Variants in LYAR observed in about 807,000 individuals in gnomAD.
LYAR encodes the protein Ly1 antibody reactive.
A neutral mutation model predicts 45.2 loss-of-function variants in LYAR; 37 were observed. The ratio of observed to expected loss-of-function variants is 0.82; its 90% CI spans 0.63 to 1.08. LYAR has a LOEUF of 1.08. Among genes scored for constraint, LYAR ranks in the 50% least tolerant of loss-of-function variants. The pLI, the probability that LYAR is intolerant of heterozygous loss-of-function variation, is 0.00. For missense variants in LYAR, 493 were observed against 451.0 expected, an observed-to-expected ratio of 1.09 and a Z score of -0.84; for synonymous variants, 176 against 155.1, an observed-to-expected ratio of 1.14 and a Z score of -1.00.
rs190670806 is a variant in LYAR at position 4,283,276 on chromosome 4, G to C, written c.122+345C>G. 5.2e-3 allele frequency among the ~76,000 whole-genome samples: 795 copies of C among 152,164 alleles called. 10 individuals carry two copies. Among genetic ancestry groups the C allele is most frequent in the African/African-American group, 0.018 (761 of 41,508 alleles). The stretch of plus-strand genomic sequence containing the variant: ...AGCGATTCTCCTGCCTCAGCCTCCC[G>C]AGTAGCTGGGATTACAGGCGCCCAC... On this transcript the variant is annotated intron_variant, in intron 3 of 9. Coordinates refer to ENST00000343470, the MANE Select transcript of LYAR (RefSeq NM_017816.3).
chr4:4,280,585 C>A (rs867457025), intron 4 of LYAR, among the ~76,000 whole-genome samples: 1 of 152,160 alleles, frequency 6.6e-6, no homozygotes, highest in Non-Finnish European at 1.5e-5. Context: ...AGGATTTCAT[C>A]GAGTGTGACA....
chr4:4,273,699 A>G (rs748321076), intron 7 of LYAR, 30 bp from the exon 8 acceptor site: 1 of 1,433,316 alleles, frequency 7.0e-7, no homozygotes, highest in Non-Finnish European at 9.8e-7. Context: ...TTTTTTAAAG[A>G]AGATTTTGCA....
rs75876404 is a variant in LYAR at position 4,284,857 on chromosome 4, C to T, written c.-53-1062G>A. On this transcript the variant is annotated intron_variant, in intron 2 of 9. Transcript: ENST00000343470. ...AAATAAAGGTGAGGGTCAAGTAAAC[C>T]GATGCAATTTACTTCAGGGTAGGAC... 3.5e-3 allele frequency among the ~76,000 whole-genome samples: 538 copies of T among 152,210 alleles called. 6 individuals carry two copies. The highest frequency in any genetic ancestry group is 0.012 in the African/African-American group (495 of 41,534).
chr4:4,276,622 C>T (rs1054529606), intron 6 of LYAR, among the ~76,000 whole-genome samples: 2 of 151,608 alleles, frequency 1.3e-5, no homozygotes, highest in Non-Finnish European at 2.9e-5. Context: ...TTTGGGAGGC[C>T]GAGGTAGGGA....
Position 4,267,773 on chromosome 4 carries a change from A to T in LYAR, c.*116T>A, listed in dbSNP as rs1718771808. On this transcript the variant is annotated 3_prime_UTR_variant, in exon 10 of 10. Transcript: ENST00000343470. ...TACCAAAAATATATTTTCTTAACTT[A>T]AAAATACAGCTTCAAAAAGCAAAAT... The T allele has an allele frequency of 2.9e-6, 2 of 686,422 alleles. No individual in the cohort carries two copies. Among genetic ancestry groups the T allele is most frequent in the African/African-American group, 1.9e-5 (1 of 53,750 alleles). 42.5% of individuals were successfully genotyped at this position (686,422 alleles called of 1,614,324 possible). A position where few individuals can be genotyped will look rare whatever the true frequency, so the allele number is the denominator to read the frequency against.
intron 6 of LYAR, among the ~76,000 whole-genome samples, chr4:4,275,695 C>T (rs1281277002): frequency 1.4e-5 from 2 of 140,094 alleles, no homozygotes; most frequent in African/African-American, 5.4e-5. Flanking sequence ...AAATACATTA[C>T]CTCATTTATG....
At chr4:4,274,849 C>T (rs1279438905) in intron 6 of LYAR, 80 bp from the exon 7 acceptor site, 1 of 1,343,298 alleles carries the variant, frequency 7.4e-7, no homozygotes, top group South Asian at 1.4e-5. Context: ...CCTGGGCCTA[C>T]TACATAAACT....
At chr4:4,270,906 G>C (rs568724061) in intron 8 of LYAR, among the ~76,000 whole-genome samples, 1 of 152,280 alleles carries the variant, frequency 6.6e-6, no homozygotes, top group African/African-American at 2.4e-5. Flanking sequence ...GTACACAGCA[G>C]GTGTATATGG....
At position 4,279,514 on chromosome 4, in the gene LYAR, C is replaced by G; in HGVS notation, c.362G>C (p.Ser121Thr). The G allele has an allele frequency of 6.2e-7, 1 of 1,611,604 alleles. No individual in the cohort carries two copies. The highest frequency in any genetic ancestry group is 1.1e-5 in the South Asian group (1 of 91,020). ...KAKFQNWMKNSLKVHNESILD... is the reference protein window; with the variant it reads ...KAKFQNWMKNTLKVHNESILD... ...AATGGATTCATTATGAACTTTTAAA[C>G]TGTTCTTCATCCAATTCTGTAAGAA... is the stretch of plus-strand genomic sequence containing the variant. Residue 121 changes from serine (S) to threonine (T), a missense_variant, in exon 6 of 10, where the codon AGT (serine) becomes ACT (threonine). Transcript: ENST00000343470.
chr4:4,268,041 T>C lies in LYAR; in HGVS notation c.1006-18A>G, dbSNP rs746914517. On this transcript the variant is annotated intron_variant, in intron 9 of 9. Coordinates refer to ENST00000343470, the MANE Select transcript of LYAR (RefSeq NM_017816.3). ...GCTAAAACCTTCACAAAGAAAAACATCAAATGAGTGTATTTGACCTGGAAA... is the reference window on the plus strand; with the variant it reads ...GCTAAAACCTTCACAAAGAAAAACACCAAATGAGTGTATTTGACCTGGAAA... 9 of 1,557,126 alleles carry C rather than the reference T, an allele frequency of 5.8e-6. No individual in the cohort carries two copies. Among genetic ancestry groups the C allele is most frequent in the Admixed American group, 1.9e-5 (1 of 52,662 alleles).
Position 4,273,670 on chromosome 4 carries a change from C to G in LYAR, c.833-1G>C. 6.3e-7 allele frequency: 1 copy of G among 1,595,332 alleles called. No homozygotes were observed. The highest frequency in any genetic ancestry group is 2.2e-5 in the East Asian group (1 of 44,786). ...TTTTTCTTCTTAGAATCTGTTTCAA[C>G]TAAGTATTTGGAAAGATTTTTTTTA... On this transcript the variant is annotated splice_acceptor_variant, in intron 7 of 9. Transcript: ENST00000343470. LOFTEE classifies it high-confidence loss of function.
intron 8 of LYAR, among the ~76,000 whole-genome samples, chr4:4,272,380 A>G (rs1718971251): frequency 1.3e-5 from 2 of 152,234 alleles, no homozygotes; most frequent in African/African-American, 4.8e-5. Flanking sequence ...GACAGTTCCC[A>G]GACCCCCAGT....
intron 6 of LYAR, 131 bp downstream of exon 6, chr4:4,279,315 GA>G: frequency 1.5e-6 from 1 of 650,366 alleles, no homozygotes; most frequent in Non-Finnish European, 2.7e-6. Context: ...CTGGGCAACA[GA>G]GTAAGACTCC....
At chr4:4,270,546 A>C (rs561797436) in intron 8 of LYAR, among the ~76,000 whole-genome samples, 17 of 150,906 alleles carry the variant, frequency 1.1e-4, no homozygotes, top group African/African-American at 4.1e-4. Flanking sequence ...AAAAAAAAAA[A>C]AACCCACAAA....
intron 8 of LYAR, among the ~76,000 whole-genome samples, chr4:4,270,727 C>T (rs754886490): frequency 1.8e-4 from 28 of 152,132 alleles, no homozygotes; most frequent in Non-Finnish European, 3.5e-4. Flanking sequence ...CCACAATGAG[C>T]GGTTACCACA....
In LYAR at chr4:4,279,722, T is replaced by A. The variant is rs148441811; in HGVS notation, c.265A>T (p.Asn89Tyr). Residue 89 changes from asparagine to tyrosine, a missense_variant, in exon 5 of 10, where the codon AAT becomes TAT. Transcript: ENST00000343470. The part of the protein sequence containing the change: ...QKISELIKRP[N>Y]VSPKVRELLE... Reference sequence around the variant, plus strand: ...AGTTCTCTCACTTTGGGGCTGACATTGGGTCTCTTTATTAATTCACTAATT... The same window carrying A: ...AGTTCTCTCACTTTGGGGCTGACATAGGGTCTCTTTATTAATTCACTAATT... The A allele has an allele frequency of 4.2e-5, 68 of 1,611,502 alleles. No homozygotes were observed. In the African/African-American group the frequency reaches 7.2e-4, roughly 17 times the overall value.
chr4:4,271,231 A>G (rs976709208), intron 8 of LYAR, among the ~76,000 whole-genome samples: 1 of 151,966 alleles, frequency 6.6e-6, no homozygotes, highest in Non-Finnish European at 1.5e-5. Context: ...AACTGTTTTG[A>G]TTTTTAGATC....
At chr4:4,288,811 A>G (rs1719731371) in intron 1 of LYAR, among the ~76,000 whole-genome samples, 1 of 152,118 alleles carries the variant, frequency 6.6e-6, no homozygotes, top group East Asian at 1.9e-4. Context: ...ATATTCTTGC[A>G]TGCACATGCA....
chr4:4,286,919 G>A (rs1719642676), intron 1 of LYAR, among the ~76,000 whole-genome samples: 1 of 152,156 alleles, frequency 6.6e-6, no homozygotes, highest in Non-Finnish European at 1.5e-5. Flanking sequence ...CCAAAGTGCT[G>A]GGATTACAGG....
Sources: allele counts gnomAD v4.1 joint callset (sites outside exome capture counted in the v4.1 genomes callset), GRCh38; gene constraint gnomAD v4.1.1; transcripts MANE v1.5; gene names NCBI Gene and HGNC (gene_info 2026-07-23, HGNC 2026-07-21).